Variants in MCHR2 observed in about 807,000 individuals in gnomAD.
The protein encoded by MCHR2 is melanin-concentrating hormone receptor 2.
A neutral mutation model predicts 24.8 loss-of-function variants in MCHR2; 15 were observed. The ratio of observed to expected loss-of-function variants is 0.60; its 90% CI spans 0.40 to 0.93. The LOEUF (loss-of-function observed/expected upper bound fraction) is 0.93. Ranked by LOEUF, MCHR2 falls within the 40% of genes least tolerant of loss-of-function variation. MCHR2 has a pLI of 0.00. For synonymous variants in MCHR2, 151 were observed against 147.6 expected (o/e 1.02, Z -0.17); for missense variants, 386 against 408.7 (o/e 0.94, Z 0.48).
rs145675141 is a variant in MCHR2, at chr6:99,942,123, G to A, written c.587+826C>T. On this transcript the variant is annotated intron_variant, in intron 4 of 5. Transcript: ENST00000281806. ...CTTTTTAAATTAAAATGTATAAAACGGCTATGGTAGTTGCATTAGTTTCCT... is the reference window on the plus strand; with the variant it reads ...CTTTTTAAATTAAAATGTATAAAACAGCTATGGTAGTTGCATTAGTTTCCT... Among the ~76,000 whole-genome samples the A allele has an allele frequency of 9.9e-5, 15 of 152,114 alleles. 1 individual carries two copies. The highest frequency in any genetic ancestry group is 2.6e-4 in the African/African-American group (11 of 41,518).
chr6:99,932,779 G>C (rs1774573929), intron 5 of MCHR2, among the ~76,000 whole-genome samples: 1 of 152,110 alleles, frequency 6.6e-6, no homozygotes, highest in Non-Finnish European at 1.5e-5. Flanking sequence ...ACACTGGGAA[G>C]ACATGATAAC....
intron 1 of MCHR2, among the ~76,000 whole-genome samples, chr6:99,977,310 C>T (rs1273646231): frequency 6.6e-6 from 1 of 152,138 alleles, no homozygotes; most frequent in Non-Finnish European, 1.5e-5. Flanking sequence ...TCTATGCCTT[C>T]TAAGACCTAT....
chr6:99,949,509 A>G (rs533114523), intron 2 of MCHR2, among the ~76,000 whole-genome samples: 1 of 152,200 alleles, frequency 6.6e-6, no homozygotes, highest in African/African-American at 2.4e-5. Context: ...GTGTGTCTTT[A>G]TTATTCATTG....
At chr6:99,988,478 T>C (rs1400501848) in intron 1 of MCHR2, among the ~76,000 whole-genome samples, 12 of 152,192 alleles carry the variant, frequency 7.9e-5, no homozygotes, top group Non-Finnish European at 1.6e-4. Flanking sequence ...GGCCCACAAG[T>C]ATCAATGGCT....
At chr6:99,972,130 G>A (rs1051902682) in intron 1 of MCHR2, among the ~76,000 whole-genome samples, 3 of 152,214 alleles carry the variant, frequency 2.0e-5, no homozygotes, top group Non-Finnish European at 4.4e-5. Flanking sequence ...AGTTTCAGAA[G>A]GAATGTTACC....
At chr6:99,943,589 G>C (rs1333319941) in intron 3 of MCHR2, among the ~76,000 whole-genome samples, 2 of 151,518 alleles carry the variant, frequency 1.3e-5, no homozygotes, top group South Asian at 2.1e-4. Context: ...TGCGGTGTTT[G>C]GTTTTTTGTC....
intron 1 of MCHR2, among the ~76,000 whole-genome samples, chr6:99,979,974 A>T (rs1436453032): frequency 6.6e-6 from 1 of 152,212 alleles, no homozygotes; most frequent in Non-Finnish European, 1.5e-5. Flanking sequence ...GATCTACAAG[A>T]TTTTGTTTGG....
intron 1 of MCHR2, among the ~76,000 whole-genome samples, chr6:99,963,633 G>A (rs1286082942): frequency 6.6e-6 from 1 of 152,012 alleles, no homozygotes; most frequent in East Asian, 1.9e-4. Flanking sequence ...TTATCAATTT[G>A]TTTGGGGGTG....
intron 2 of MCHR2, among the ~76,000 whole-genome samples, chr6:99,954,755 T>C (rs1310388419): frequency 6.6e-6 from 1 of 152,200 alleles, no homozygotes; most frequent in African/African-American, 2.4e-5. Flanking sequence ...ATGATGGTGA[T>C]GCCAAACAAC....
chr6:99,949,648 T>C (rs1374707164), intron 2 of MCHR2, among the ~76,000 whole-genome samples: 1 of 152,122 alleles, frequency 6.6e-6, no homozygotes, highest in Non-Finnish European at 1.5e-5. Context: ...GTTACTGCCA[T>C]GGAGTCCTTA....
At chr6:99,926,332 T>A (rs2114488444) in intron 5 of MCHR2, among the ~76,000 whole-genome samples, 2 of 152,286 alleles carry the variant, frequency 1.3e-5, no homozygotes, top group African/African-American at 4.8e-5. Flanking sequence ...TGATTTATAG[T>A]CCTTTGGGTA....
intron 1 of MCHR2, among the ~76,000 whole-genome samples, chr6:99,957,263 A>G (rs534967681): frequency 6.6e-6 from 1 of 152,264 alleles, no homozygotes; most frequent in South Asian, 2.1e-4. Flanking sequence ...CTTCATAATT[A>G]AGTGTATTTT....
chr6:99,947,982 T>G lies in MCHR2; in HGVS notation c.183-11A>C. On this transcript the variant is annotated splice_polypyrimidine_tract_variant and intron_variant, in intron 2 of 5. Coordinates refer to ENST00000281806, the MANE Select transcript of MCHR2 (RefSeq NM_001040179.2). ...GTTTTTTTCCTGGATCTGAAAGAGA[T>G]AGAGGAAACTGAGGATTGACATTGA... 1.9e-6 allele frequency: 3 copies of G among 1,608,314 alleles called. No homozygotes were observed. Among genetic ancestry groups the G allele is most frequent in the Non-Finnish European group, 2.6e-6 (3 of 1,175,758 alleles).
At chr6:99,972,358 G>C (rs978955026) in intron 1 of MCHR2, among the ~76,000 whole-genome samples, 5 of 150,698 alleles carry the variant, frequency 3.3e-5, no homozygotes, top group African/African-American at 1.2e-4. Context: ...TAGAGGTGTT[G>C]GTAGTATTCT....
At position 99,919,595 on chromosome 6, in the gene MCHR2, A is replaced by G. The variant is rs1410016987; in HGVS notation, c.*1345T>C. Among the ~76,000 whole-genome samples, 1 of 152,166 alleles carries G rather than the reference A, an allele frequency of 6.6e-6. No homozygotes were observed. Among genetic ancestry groups the G allele is most frequent in the South Asian group, 2.1e-4 (1 of 4,818 alleles). On this transcript the variant is annotated 3_prime_UTR_variant, in exon 6 of 6. Coordinates refer to ENST00000281806, the MANE Select transcript of MCHR2 (RefSeq NM_001040179.2). ...AAATGCATTGTTTCCTTTCCTAACT[A>G]TATATAAGTCTAAAGAGGAAAGATA...
chr6:99,921,620 C>T (rs112785082), intron 5 of MCHR2, among the ~76,000 whole-genome samples: 16 of 152,222 alleles, frequency 1.1e-4, no homozygotes, highest in African/African-American at 3.1e-4. Flanking sequence ...CTTTGTATTA[C>T]GAACAATCCA....
Position 99,971,058 on chromosome 6 carries a change from T to A in MCHR2, c.-27-14884A>T, listed in dbSNP as rs557422009. Among the ~76,000 whole-genome samples the A allele has an allele frequency of 6.8e-3, 1,028 of 152,258 alleles. 10 individuals are homozygous for A. The highest frequency in any genetic ancestry group is 0.023 in the African/African-American group (974 of 41,536). On this transcript the variant is annotated intron_variant, in intron 1 of 5. Transcript: ENST00000281806. ...TTGGTGATGCAGGCTCTTTTTTGGT[T>A]CCATATGAACTTTAAAGTAGTTTTT...
chr6:99,953,608 T>G (rs1162232340), intron 2 of MCHR2, among the ~76,000 whole-genome samples: 1 of 152,170 alleles, frequency 6.6e-6, no homozygotes, highest in South Asian at 2.1e-4. Flanking sequence ...AAAGTCTTTC[T>G]TGTATTATTT....
At chr6:99,940,148 T>C (rs1305404391) in intron 4 of MCHR2, among the ~76,000 whole-genome samples, 1 of 152,068 alleles carries the variant, frequency 6.6e-6, no homozygotes, top group African/African-American at 2.4e-5. Flanking sequence ...GGGGAAATTT[T>C]CTGTTATTAT....
Sources: allele counts gnomAD v4.1 joint callset (sites outside exome capture counted in the v4.1 genomes callset), GRCh38; gene constraint gnomAD v4.1.1; transcripts MANE v1.5; gene names NCBI Gene and HGNC (gene_info 2026-07-23, HGNC 2026-07-21).